PTPRM: variants seen among roughly 807,000 people sequenced by gnomAD.
The protein encoded by PTPRM is protein tyrosine phosphatase receptor type M, also known as receptor-type tyrosine-protein phosphatase mu.
A neutral mutation model predicts 186.7 loss-of-function variants in PTPRM; 47 were observed. That is an observed-to-expected ratio of 0.25 (90% CI 0.20 to 0.32). The LOEUF is 0.32. Among genes scored for constraint, PTPRM ranks in the 10% least tolerant of loss-of-function variants. The pLI is 1.00. For missense variants in PTPRM, 1,494 were observed against 1,865.0 expected, an observed-to-expected ratio of 0.80 and a Z score of 3.66; for synonymous variants, 668 against 674.9, an observed-to-expected ratio of 0.99 and a Z score of 0.16.
intron 22 of PTPRM, among the ~76,000 whole-genome samples, chr18:8,333,603 A>C (rs1480859074): frequency 1.4e-4 from 21 of 152,216 alleles, no homozygotes; most frequent in Admixed American, 1.4e-3. Context: ...ATAGATTATC[A>C]CCAACAGCAA....
intron 4 of PTPRM, among the ~76,000 whole-genome samples, chr18:7,914,487 A>G (rs2050440818): frequency 6.6e-6 from 1 of 152,102 alleles, no homozygotes; most frequent in African/African-American, 2.4e-5. Flanking sequence ...TGGACCTATA[A>G]TCTCATTTGT....
At position 7,925,660 on chromosome 18, in the gene PTPRM, T is replaced by C. The variant is rs1352681954; in HGVS notation, c.548-908T>C. ...CTGTCTCTCCCAGAAAGTATGATCATCCCCTTTGCTTCCCACCTCTTCTGT... is the reference window on the plus strand; with the variant it reads ...CTGTCTCTCCCAGAAAGTATGATCACCCCCTTTGCTTCCCACCTCTTCTGT... On this transcript the variant is annotated intron_variant, in intron 4 of 32. Transcript: ENST00000580170. Among the ~76,000 whole-genome samples the C allele has an allele frequency of 2.0e-5, 3 of 152,278 alleles. No individual in the cohort carries two copies. In the East Asian group the frequency reaches 5.8e-4, roughly 29 times the overall value.
chr18:8,056,248 C>T lies in PTPRM; in HGVS notation c.1133-13438C>T, dbSNP rs112650097. ...TCTTAACATAAACCTTTGTCAAATA[C>T]AGTTGCTATAGCCAAAGAAAGAAAT... is the stretch of plus-strand genomic sequence containing the variant. On this transcript the variant is annotated intron_variant, in intron 7 of 32. Transcript: ENST00000580170. Among the ~76,000 whole-genome samples, 866 of 152,254 alleles carry T rather than the reference C, an allele frequency of 5.7e-3. 11 individuals are homozygous for T. Among genetic ancestry groups the T allele is most frequent in the African/African-American group, 0.019 (779 of 41,554 alleles).
chr18:7,727,072 C>T (rs1195306384), intron 1 of PTPRM, among the ~76,000 whole-genome samples: 2 of 151,656 alleles, frequency 1.3e-5, no homozygotes, highest in Admixed American at 1.3e-4. Flanking sequence ...TGAAGTTCTT[C>T]CTGTCAATTA....
chr18:7,855,337 G>C (rs2047045296), intron 2 of PTPRM, among the ~76,000 whole-genome samples: 2 of 152,192 alleles, frequency 1.3e-5, no homozygotes, highest in Non-Finnish European at 2.9e-5. Context: ...TGTGGCTCAG[G>C]GGGCCTTGTG....
chr18:7,745,908 T>C (rs1296584252), intron 1 of PTPRM, among the ~76,000 whole-genome samples: 2 of 152,124 alleles, frequency 1.3e-5, no homozygotes, highest in Non-Finnish European at 2.9e-5. Flanking sequence ...ATTAGGCACA[T>C]ATGAAAAGTA....
At chr18:7,799,691 A>G (rs947139011) in intron 2 of PTPRM, among the ~76,000 whole-genome samples, 2 of 152,124 alleles carry the variant, frequency 1.3e-5, no homozygotes, top group East Asian at 1.9e-4. Context: ...TTTTGATGCA[A>G]TTATAAATGT....
chr18:8,203,902 G>A (rs2093891485), intron 14 of PTPRM, among the ~76,000 whole-genome samples: 1 of 152,142 alleles, frequency 6.6e-6, no homozygotes, highest in Admixed American at 6.5e-5. Flanking sequence ...AAAGCTAAAT[G>A]GGAGAGGCAA....
chr18:8,043,118 C>T (rs1180629098), intron 7 of PTPRM, among the ~76,000 whole-genome samples: 1 of 152,180 alleles, frequency 6.6e-6, no homozygotes, highest in African/African-American at 2.4e-5. Flanking sequence ...AGAGAACATA[C>T]AGCTCAGCAC....
intron 2 of PTPRM, among the ~76,000 whole-genome samples, chr18:7,805,753 A>G (rs767829419): frequency 5.9e-5 from 9 of 152,226 alleles, no homozygotes; most frequent in Non-Finnish European, 1.3e-4. Context: ...GTAAATGCTT[A>G]GTAAATTTAC....
intron 13 of PTPRM, among the ~76,000 whole-genome samples, chr18:8,122,755 G>A (rs145053085): frequency 1.0e-3 from 153 of 152,234 alleles, no homozygotes; most frequent in African/African-American, 3.6e-3. Flanking sequence ...CATACATTTA[G>A]CTATACACAA....
rs2095660286 is a variant in PTPRM, at chr18:8,371,113, G to A, written c.3171+107G>A. 3 of 593,354 alleles carry A rather than the reference G, an allele frequency of 5.1e-6. No individual in the cohort carries two copies. In the Admixed American group the frequency reaches 8.8e-5, roughly 17 times the overall value. The allele number at this position is 593,354 out of a possible 1,614,324, so 36.8% of individuals were successfully genotyped here. On this transcript the variant is annotated intron_variant, in intron 24 of 32. Coordinates refer to ENST00000580170, the MANE Select transcript of PTPRM (RefSeq NM_001105244.2). ...TTACACATGCTCATATCTCAATGCA[G>A]GTAGGCTCTATCTGATGGTTTCTCA...
In PTPRM at chr18:7,597,418, A is replaced by AT. The variant is rs1272841041; in HGVS notation, c.73+29531dup. 5.9e-5 allele frequency among the ~76,000 whole-genome samples: 9 copies of AT among 151,846 alleles called. No homozygotes were observed. In the East Asian group the frequency reaches 1.7e-3, roughly 29 times the overall value. ...CGGATCAATATTGTCATGGGAGGTAATTTTCCCCCAAGTGGACAGATTCTT... is the reference window on the plus strand; with the variant it reads ...CGGATCAATATTGTCATGGGAGGTAATTTTTCCCCCAAGTGGACAGATTCTT... On this transcript the variant is annotated intron_variant, in intron 1 of 32. Transcript: ENST00000580170.
intron 1 of PTPRM, among the ~76,000 whole-genome samples, chr18:7,588,416 G>GA (rs1318002474): frequency 6.6e-6 from 1 of 152,072 alleles, no homozygotes; most frequent in African/African-American, 2.4e-5. Context: ...ACTATCATTG[G>GA]AAAAATCACT....
chr18:7,644,922 CAATT>C lies in PTPRM; in HGVS notation c.73+77035_73+77038del, dbSNP rs573261743. Reference sequence around the variant, plus strand: ...ACGATGATCTTTCCAATTACCTAAACAATTAATCATTCCTCAAGGTTGAACAAAA... The same window carrying C: ...ACGATGATCTTTCCAATTACCTAAACAATCATTCCTCAAGGTTGAACAAAA... On this transcript the variant is annotated intron_variant, in intron 1 of 32. Transcript: ENST00000580170. Among the ~76,000 whole-genome samples, 271 of 152,240 alleles carry C rather than the reference CAATT, an allele frequency of 1.8e-3. 1 individual carries two copies. The highest frequency in any genetic ancestry group is 6.8e-3 in the Middle Eastern group (2 of 294).
intron 20 of PTPRM, among the ~76,000 whole-genome samples, chr18:8,309,346 T>C (rs1171328684): frequency 6.6e-6 from 1 of 152,228 alleles, no homozygotes; most frequent in Admixed American, 6.5e-5. Flanking sequence ...GTTTTGCCTT[T>C]CTAGTGGGTA....
chr18:8,396,872 G>A (rs1684110955), intron 32 of PTPRM, among the ~76,000 whole-genome samples: 1 of 152,232 alleles, frequency 6.6e-6, no homozygotes, highest in Non-Finnish European at 1.5e-5. Context: ...TTCCAGAACT[G>A]AATAGGACCT....
At chr18:8,003,975 C>T (rs2084021076) in intron 7 of PTPRM, among the ~76,000 whole-genome samples, 1 of 152,190 alleles carries the variant, frequency 6.6e-6, no homozygotes, top group Non-Finnish European at 1.5e-5. Context: ...TCTTCCAGCC[C>T]TCAAAAGCAC....
intron 32 of PTPRM, chr18:8,402,731 C>T (rs1011201702): frequency 6.6e-6 from 1 of 152,124 alleles, no homozygotes; most frequent in African/African-American, 2.4e-5. Flanking sequence ...TTCCAATTAT[C>T]TCTTTTAAAT....
Sources: gnomAD v4.1 joint callset for allele counts (sites outside exome capture counted in the v4.1 genomes callset) on GRCh38, gnomAD v4.1.1 for gene constraint, MANE v1.5 for transcripts, NCBI Gene and HGNC (gene_info 2026-07-23, HGNC 2026-07-21) for gene names.